Variants in DOCK5 observed in about 807,000 individuals in gnomAD.
The protein encoded by DOCK5 is dedicator of cytokinesis protein 5.
A neutral mutation model predicts 251.8 loss-of-function variants in DOCK5; 142 were observed. The observed-to-expected ratio is 0.56, with a 90% CI of 0.49 to 0.65. The LOEUF (loss-of-function observed/expected upper bound fraction) is 0.65. Among genes scored for constraint, DOCK5 ranks in the 30% least tolerant of loss-of-function variants. The pLI is 0.00. For missense variants in DOCK5, 2,111 were observed against 2,312.3 expected, an observed-to-expected ratio of 0.91 and a Z score of 1.79; for synonymous variants, 842 against 835.5, an observed-to-expected ratio of 1.01 and a Z score of -0.13.
intron 1 of DOCK5, among the ~76,000 whole-genome samples, chr8:25,223,938 GCA>G (rs1299012937): frequency 2.6e-5 from 4 of 152,132 alleles, no homozygotes; most frequent in Admixed American, 6.6e-5. Context: ...ATTTTGTACA[GCA>G]CTTATCACCT....
At chr8:25,254,511 C>T (rs1213756897) in intron 2 of DOCK5, among the ~76,000 whole-genome samples, 2 of 151,972 alleles carry the variant, frequency 1.3e-5, no homozygotes, top group Non-Finnish European at 2.9e-5. Flanking sequence ...CCCAGTGGCT[C>T]ACACCTGTAA....
At chr8:25,216,142 GTGTATACAATATGTATATA>G (rs1802240973) in intron 1 of DOCK5, among the ~76,000 whole-genome samples, 1 of 149,938 alleles carries the variant, frequency 6.7e-6, no homozygotes, top group Non-Finnish European at 1.5e-5. Flanking sequence ...ATGTCTATAC[GTGTATACAATATGTATATA>G]TGTATACAAT....
chr8:25,398,814 A>G (rs1801388982), intron 45 of DOCK5, among the ~76,000 whole-genome samples: 1 of 152,228 alleles, frequency 6.6e-6, no homozygotes, highest in South Asian at 2.1e-4. Context: ...AATCTGCAAC[A>G]GCCTTGCTTC....
intron 5 of DOCK5, among the ~76,000 whole-genome samples, chr8:25,287,048 G>T (rs1390181150): frequency 6.6e-6 from 1 of 152,126 alleles, no homozygotes; most frequent in Non-Finnish European, 1.5e-5. Flanking sequence ...TTGCAGCTGG[G>T]CCATCATCTA....
intron 2 of DOCK5, among the ~76,000 whole-genome samples, chr8:25,258,239 C>G (rs1284733547): frequency 6.6e-6 from 1 of 151,844 alleles, no homozygotes; most frequent in African/African-American, 2.4e-5. Context: ...GACCAGGTCT[C>G]TCTGCTTGTC....
chr8:25,397,999 T>C lies in DOCK5; in HGVS notation c.4705-1912T>C, dbSNP rs542820119. ...GTGGGGTAGCCCGTCATTACATATT[T>C]GATGTAATATGTAATGGTAATAGGT... On this transcript the variant is annotated intron_variant, in intron 45 of 51. Coordinates refer to ENST00000276440, the MANE Select transcript of DOCK5 (RefSeq NM_024940.8). Among the ~76,000 whole-genome samples, 6 of 151,266 alleles carry C rather than the reference T, an allele frequency of 4.0e-5. No homozygotes were observed. In the East Asian group the frequency reaches 9.7e-4, roughly 24 times the overall value.
chr8:25,277,432 TAAAAA>T (rs200508223), intron 4 of DOCK5: 3 of 148,650 alleles, frequency 2.0e-5, no homozygotes, highest in Admixed American at 6.7e-5. Context: ...TCCAAAACAG[TAAAAA>T]AAAAGAGGAA....
intron 3 of DOCK5, 125 bp from the exon 4 acceptor site, chr8:25,275,261 T>A (rs565742692): frequency 8.8e-5 from 59 of 673,626 alleles, no homozygotes; most frequent in Non-Finnish European, 1.3e-4. Flanking sequence ...CCTGCCAACC[T>A]GATCTCAGGA....
At chr8:25,344,832 G>A (rs1439576257) in intron 25 of DOCK5, among the ~76,000 whole-genome samples, 1 of 152,224 alleles carries the variant, frequency 6.6e-6, no homozygotes, top group Non-Finnish European at 1.5e-5. Context: ...GAGCAGAAGA[G>A]CAAGCATGCA....
rs183076972 is a variant in DOCK5 at position 25,207,154 on chromosome 8, T to G, written c.43+22203T>G. 1.5e-3 allele frequency among the ~76,000 whole-genome samples: 231 copies of G among 152,320 alleles called. 1 individual carries two copies. Among genetic ancestry groups the G allele is most frequent in the Admixed American group, 5.6e-3 (85 of 15,308 alleles). The stretch of plus-strand genomic sequence containing the variant: ...CCTCCTTCTATATAGCACATCACTT[T>G]ATTGATCGACCATAAGATTCATGGT... On this transcript the variant is annotated intron_variant, in intron 1 of 51. Coordinates refer to ENST00000276440, the MANE Select transcript of DOCK5 (RefSeq NM_024940.8).
chr8:25,395,517 T>C (rs1801330392), intron 44 of DOCK5, 26 bp from the exon 45 acceptor site: 1 of 1,591,642 alleles, frequency 6.3e-7, no homozygotes, highest in East Asian at 2.2e-5. Flanking sequence ...AAGTGTCCTC[T>C]TTCTCCCATG....
chr8:25,268,047 G>C (rs916647990), intron 2 of DOCK5, among the ~76,000 whole-genome samples: 14 of 152,130 alleles, frequency 9.2e-5, no homozygotes, highest in African/African-American at 3.4e-4. Flanking sequence ...ATTTTTAGTA[G>C]AGACGGGGTT....
chr8:25,347,508 C>T (rs1192233238), intron 26 of DOCK5, among the ~76,000 whole-genome samples: 6 of 152,120 alleles, frequency 3.9e-5, no homozygotes, highest in Admixed American at 6.5e-5. Flanking sequence ...GCACCAAATA[C>T]GTAAATGTGA....
At position 25,364,604 on chromosome 8, in the gene DOCK5, A is replaced by G. The variant is rs1205630322; in HGVS notation, c.3045-22A>G. The G allele has an allele frequency of 1.9e-6, 3 of 1,567,040 alleles. No individual in the cohort carries two copies. The Admixed American group carries it at 5.4e-5, about 28-fold the overall frequency. On this transcript the variant is annotated intron_variant, in intron 29 of 51. Transcript: ENST00000276440. ...CAAAGGACATACAGTTGGCTTCTTTATCTGGTGTTTTCCTTCCGCAGGGTT... is the reference window on the plus strand; with the variant it reads ...CAAAGGACATACAGTTGGCTTCTTTGTCTGGTGTTTTCCTTCCGCAGGGTT...
intron 1 of DOCK5, among the ~76,000 whole-genome samples, chr8:25,220,552 A>AC (rs11385237): frequency 0.31 from 47,154 of 151,748 alleles, 10,529 homozygotes; most frequent in African/African-American, 0.63. Context: ...GTGTTCTGTT[A>AC]CCCCCAGCTC....
At position 25,382,778 on chromosome 8, in the gene DOCK5, G is replaced by A; in HGVS notation, c.4131G>A (p.Arg1377=). ...YYGQGFPSFL[R]NKIFIYRGKE... ...GACAGGGCTTTCCTTCTTTCCTACG[G>A]GTAAGAAACCTGATGGTGGTCTCCC... The change falls in exon 40 of 52, where the codon CGG becomes CGA. Residue 1377 remains arginine (R), a splice_region_variant and synonymous_variant. Transcript: ENST00000276440. 3 of 1,610,628 alleles carry A rather than the reference G, an allele frequency of 1.9e-6. No homozygotes were observed. Among genetic ancestry groups the A allele is most frequent in the Non-Finnish European group, 2.5e-6 (3 of 1,178,044 alleles).
Position 25,372,709 on chromosome 8 carries a change from G to T in DOCK5, c.3675G>T (p.Val1225=). 1.2e-6 allele frequency: 2 copies of T among 1,610,590 alleles called. No homozygotes were observed. The highest frequency in any genetic ancestry group is 2.2e-5 in the South Asian group (2 of 90,180). The change falls in exon 35 of 52, where the codon GTG becomes GTT. Residue 1225 remains valine, a synonymous_variant. Transcript: ENST00000276440. ...AGGAGAACCGTATGAGCTGCACTGT[G>T]AACGTGCTGGTATGTGACATGCCTC... The part of the protein sequence containing the change: ...ESKENRMSCT[V]NVLNFYKEKK...
chr8:25,335,676 A>T (rs1805786180), intron 21 of DOCK5, among the ~76,000 whole-genome samples: 1 of 152,152 alleles, frequency 6.6e-6, no homozygotes, highest in South Asian at 2.1e-4. Flanking sequence ...TCCTAGCCCA[A>T]AAACTCTAGA....
chr8:25,264,380 C>A (rs1235409084), intron 2 of DOCK5, among the ~76,000 whole-genome samples: 4 of 150,930 alleles, frequency 2.7e-5, no homozygotes, highest in African/African-American at 7.4e-5. Flanking sequence ...AAGAAAAAAA[C>A]AACAAAAAAA....
Sources: allele counts gnomAD v4.1 joint callset (sites outside exome capture counted in the v4.1 genomes callset), GRCh38; gene constraint gnomAD v4.1.1; transcripts MANE v1.5; gene names NCBI Gene and HGNC (gene_info 2026-07-23, HGNC 2026-07-21).